Variants in MYO16 observed in about 807,000 individuals in gnomAD.
The protein encoded by MYO16 is unconventional myosin-XVI.
In MYO16, 94 loss-of-function variants were observed where a neutral mutation model predicts 205.3. That is an observed-to-expected ratio of 0.46 (90% CI 0.39 to 0.54). The LOEUF is 0.54. MYO16 is among the 20% of genes least tolerant of loss of function. The pLI, the probability that MYO16 is intolerant of heterozygous loss-of-function variation, is 0.00. For synonymous variants in MYO16, 988 were observed against 954.0 expected, an observed-to-expected ratio of 1.04 and a Z score of -0.66; for missense variants, 2,315 against 2,387.5, an observed-to-expected ratio of 0.97 and a Z score of 0.63.
chr13:109,080,234 A>G (rs9521165), intron 27 of MYO16, among the ~76,000 whole-genome samples: 20,139 of 152,050 alleles, frequency 0.13, 1,638 homozygotes, highest in East Asian at 0.42. Context: ...TTCTATATGG[A>G]TAGCTGTTTT....
Position 109,127,520 on chromosome 13 carries a change from C to T in MYO16, c.4021C>T (p.Leu1341Phe), listed in dbSNP as rs530438444. 1.1e-5 allele frequency: 18 copies of T among 1,612,470 alleles called. No individual in the cohort carries two copies. The South Asian group carries it at 1.8e-4, about 16-fold the overall frequency. Residue 1341 changes from leucine (L) to phenylalanine (F), a missense_variant, in exon 31 of 35, where the codon CTC (leucine) becomes TTC (phenylalanine). Leu to Phe is a conservative substitution (Grantham distance 22, BLOSUM62 0). This residue lies in a region of MYO16 where 1,097 missense variants were observed against 1,092.0 expected (regional missense o/e 1.00). Coordinates refer to ENST00000457511, the MANE Select transcript of MYO16 (RefSeq NM_001198950.3). The surrounding 1 kb of genome is among the most constrained non-coding windows in gnomAD (Gnocchi z 4.2). Reference protein sequence around the residue: ...SASYEAVSACLSAAREAANEA... With the variant: ...SASYEAVSACFSAAREAANEA... ...TTCCTATGAGGCTGTGAGCGCCTGC[C>T]TCTCCGCGGCCAGGGAAGCGGCCAA...
At chr13:109,021,100 G>A (rs1594475535) in intron 23 of MYO16, among the ~76,000 whole-genome samples, 1 of 152,162 alleles carries the variant, frequency 6.6e-6, no homozygotes, top group South Asian at 2.1e-4. Flanking sequence ...TAAAAGAGAA[G>A]GGGGGACATT....
chr13:108,952,155 AAAT>A (rs1407557233), intron 16 of MYO16, among the ~76,000 whole-genome samples: 14 of 144,054 alleles, frequency 9.7e-5, no homozygotes, highest in African/African-American at 2.4e-4. Context: ...ATAAATAAAT[AAAT>A]AAAACGATAT....
chr13:109,203,907 G>A (rs919196876), intron 34 of MYO16, among the ~76,000 whole-genome samples: 2 of 152,150 alleles, frequency 1.3e-5, no homozygotes, highest in African/African-American at 4.8e-5. Flanking sequence ...TGCATTTGAG[G>A]ACCTATAAGT....
chr13:108,566,990 G>T, the MYO16 span, among the ~76,000 whole-genome samples: 1 of 152,120 alleles, frequency 6.6e-6, no homozygotes, highest in Non-Finnish European at 1.5e-5. Flanking sequence ...GTGGGAATGT[G>T]GCCAGTAGAT....
intron 29 of MYO16, among the ~76,000 whole-genome samples, chr13:109,120,805 C>T (rs1271458968): frequency 6.6e-6 from 1 of 152,106 alleles, no homozygotes; most frequent in Admixed American, 6.5e-5. Context: ...ATCCCAGTTA[C>T]TCAGGAGGCT....
At chr13:108,961,413 T>G (rs1883574738) in intron 17 of MYO16, 126 bp from the exon 18 acceptor site, 1 of 688,232 alleles carries the variant, frequency 1.5e-6, no homozygotes, top group Admixed American at 2.3e-5. Flanking sequence ...ATTTGGGATC[T>G]GCAAACTCCC....
At chr13:108,822,754 AGT>A (rs1876048132) in intron 8 of MYO16, among the ~76,000 whole-genome samples, 1 of 152,158 alleles carries the variant, frequency 6.6e-6, no homozygotes, top group South Asian at 2.1e-4. Flanking sequence ...TTGATGGGAA[AGT>A]GTAACTCTTT....
At chr13:108,528,624 TCCCCC>T in the MYO16 span, among the ~76,000 whole-genome samples, 3 of 5,740 alleles carry the variant, frequency 5.2e-4, no homozygotes, top group Non-Finnish European at 7.0e-4. Context: ...CCCTCCCCTC[TCCCCC>T]TCCCCTCCTC....
chr13:108,800,455 C>T lies in MYO16; in HGVS notation c.742-6224C>T, dbSNP rs368364717. Among the ~76,000 whole-genome samples, 88 of 152,254 alleles carry T rather than the reference C, an allele frequency of 5.8e-4. No individual in the cohort carries two copies. The South Asian group carries it at 0.017, about 30-fold the overall frequency. On this transcript the variant is annotated intron_variant, in intron 6 of 34. Transcript: ENST00000457511. ...TTCTCCTTTTGTCTTTAATTTCTGA[C>T]CTAGTGTGCCCTCAGTCTCGAGGTA... is the stretch of plus-strand genomic sequence containing the variant.
intron 1 of MYO16, among the ~76,000 whole-genome samples, chr13:108,606,787 A>G (rs1878976562): frequency 1.3e-5 from 2 of 152,146 alleles, no homozygotes; most frequent in African/African-American, 4.8e-5. Flanking sequence ...TACAGCTTGC[A>G]CTGTGCACCT....
intron 9 of MYO16, among the ~76,000 whole-genome samples, chr13:108,827,165 G>A (rs577376917): frequency 6.6e-5 from 10 of 152,138 alleles, no homozygotes; most frequent in Non-Finnish European, 1.0e-4. Context: ...CATGTATTCC[G>A]TCATCTGAAT....
At chr13:108,542,213 C>T in the MYO16 span, among the ~76,000 whole-genome samples, 1 of 151,936 alleles carries the variant, frequency 6.6e-6, no homozygotes, top group Admixed American at 6.6e-5. Context: ...CAAACTAACA[C>T]AGAAACAAAC....
At chr13:109,089,534 T>A (rs184556803) in intron 27 of MYO16, among the ~76,000 whole-genome samples, 10 of 152,242 alleles carry the variant, frequency 6.6e-5, no homozygotes, top group Admixed American at 2.6e-4. Flanking sequence ...ATTACTAATA[T>A]GCTTCATTTG....
the MYO16 span, among the ~76,000 whole-genome samples, chr13:108,539,323 C>G: frequency 2.5e-4 from 38 of 152,208 alleles, no homozygotes; most frequent in African/African-American, 8.4e-4. Context: ...CATTGCAAGG[C>G]AGGACAGGGC....
intron 1 of MYO16, among the ~76,000 whole-genome samples, chr13:108,638,279 G>C (rs781319866): frequency 6.6e-6 from 1 of 151,726 alleles, no homozygotes; most frequent in Admixed American, 6.6e-5. Context: ...GCTGTCAAAA[G>C]TTAGGTTTTT....
chr13:109,035,140 T>C (rs949231769), intron 23 of MYO16, among the ~76,000 whole-genome samples: 6 of 148,298 alleles, frequency 4.0e-5, no homozygotes, highest in Non-Finnish European at 7.4e-5. Context: ...ATGGCATATA[T>C]AGCGTACCAC....
At chr13:108,876,698 A>C (rs1320119312) in intron 12 of MYO16, among the ~76,000 whole-genome samples, 1 of 141,020 alleles carries the variant, frequency 7.1e-6, no homozygotes, top group Non-Finnish European at 1.5e-5. Flanking sequence ...ATGAGATCTT[A>C]GTCTATTGCC....
chr13:108,984,833 G>A (rs966439066), intron 20 of MYO16, among the ~76,000 whole-genome samples: 11 of 152,080 alleles, frequency 7.2e-5, no homozygotes, highest in East Asian at 1.9e-4. Flanking sequence ...GTTAATGTGC[G>A]TGGATCCTTT....
Sources: allele counts gnomAD v4.1 joint callset (sites outside exome capture counted in the v4.1 genomes callset), GRCh38; gene constraint gnomAD v4.1.1; regional missense constraint gnomAD v4.1.1; non-coding constraint Gnocchi (gnomAD v3.1); transcripts MANE v1.5; gene names NCBI Gene and HGNC (gene_info 2026-07-23, HGNC 2026-07-21).